C19orf47: variants seen among roughly 807,000 people sequenced by gnomAD.
C19orf47 encodes chromosome 19 open reading frame 47.
In C19orf47, 18 loss-of-function variants were observed where a neutral mutation model predicts 32.3. The observed-to-expected ratio is 0.56, with a 90% CI of 0.39 to 0.83. The LOEUF is 0.83. Ranked by LOEUF, C19orf47 falls within the 40% of genes least tolerant of loss-of-function variation. The probability of loss-of-function intolerance (pLI) is 0.00; values close to 1 mark genes in which losing one functional copy is unlikely to be tolerated. For missense variants in C19orf47, 484 were observed against 531.6 expected (o/e 0.91, Z 0.88); for synonymous variants, 202 against 211.1 (o/e 0.96, Z 0.37).
chr19:40,335,071 A>T (rs1037667923), intron 4 of C19orf47, among the ~76,000 whole-genome samples: 5 of 139,658 alleles, frequency 3.6e-5, no homozygotes, highest in Non-Finnish European at 7.8e-5. Flanking sequence ...GAAGGGAGGG[A>T]GGGAGACAGT....
At chr19:40,342,024 G>A (rs1384484488) in intron 1 of C19orf47, 134 bp from the exon 2 acceptor site, 2 of 1,477,820 alleles carry the variant, frequency 1.4e-6, no homozygotes, top group South Asian at 1.3e-5. Flanking sequence ...ATAGCCTGGA[G>A]CAGCTGGCAG....
chr19:40,333,725 G>C lies in C19orf47; in HGVS notation c.301+126C>G. ...ATTTTTTCCCCTAAAAGAAGAGTAA[G>C]AATTCCTCCAATGGCTTTGTTTCTA... On this transcript the variant is annotated intron_variant, in intron 5 of 8. Transcript: ENST00000683109. 1.4e-5 allele frequency: 10 copies of C among 698,920 alleles called. No individual in the cohort carries two copies. The South Asian group carries it at 1.5e-4, about 10-fold the overall frequency. 43.3% of individuals were successfully genotyped at this position (698,920 alleles called of 1,614,324 possible).
At chr19:40,316,428 C>T (rs2089617384), downstream of C19orf47, among the ~76,000 whole-genome samples, 1 of 152,224 alleles carries the variant, frequency 6.6e-6, no homozygotes, top group African/African-American at 2.4e-5. Flanking sequence ...GCTGCACCAC[C>T]ATCTCCTCAT....
chr19:40,318,220 T>C (rs2077676193), downstream of C19orf47, among the ~76,000 whole-genome samples: 1 of 152,068 alleles, frequency 6.6e-6, no homozygotes, highest in African/African-American at 2.4e-5. Flanking sequence ...CTCGTCTCCA[T>C]AAAATATAAA....
intron 2 of C19orf47, among the ~76,000 whole-genome samples, chr19:40,336,993 T>C (rs556409539): frequency 6.6e-6 from 1 of 152,196 alleles, no homozygotes; most frequent in African/African-American, 2.4e-5. Context: ...AACCCTGCGA[T>C]TTCCCTATGG....
At chr19:40,339,397 G>A (rs2078132462) in intron 2 of C19orf47, among the ~76,000 whole-genome samples, 1 of 152,172 alleles carries the variant, frequency 6.6e-6, no homozygotes, top group African/African-American at 2.4e-5. Context: ...GCACACACCA[G>A]GAGACACGTA....
At chr19:40,308,669 G>A in the C19orf47 span, among the ~76,000 whole-genome samples, 4 of 148,720 alleles carry the variant, frequency 2.7e-5, no homozygotes, top group Non-Finnish European at 4.5e-5. Flanking sequence ...TCGCCATGTT[G>A]GCCAGGCTGG....
chr19:40,335,575 G>A (rs556170548), intron 4 of C19orf47, among the ~76,000 whole-genome samples: 104 of 151,352 alleles, frequency 6.9e-4, no homozygotes, highest in African/African-American at 2.3e-3. Flanking sequence ...GCGAGACACC[G>A]TCTCAAAAAA....
At chr19:40,345,734 C>T (rs973298346) in intron 1 of C19orf47, among the ~76,000 whole-genome samples, 1 of 138,518 alleles carries the variant, frequency 7.2e-6, no homozygotes, top group Non-Finnish European at 1.5e-5. Context: ...CCAAGCTACT[C>T]AGTAGGCTAA....
chr19:40,313,738 C>T, the C19orf47 span, among the ~76,000 whole-genome samples: 1 of 152,078 alleles, frequency 6.6e-6, no homozygotes, highest in South Asian at 2.1e-4. Context: ...CCTACAATTA[C>T]AGGCAAGAGG....
chr19:40,331,374 G>T (rs937525583), intron 5 of C19orf47, among the ~76,000 whole-genome samples: 1 of 152,224 alleles, frequency 6.6e-6, no homozygotes, highest in Non-Finnish European at 1.5e-5. Flanking sequence ...ATGTGAATGC[G>T]GCCGTCAACC....
chr19:40,315,426 G>A (rs181173025), downstream of C19orf47, among the ~76,000 whole-genome samples: 231 of 152,100 alleles, frequency 1.5e-3, no homozygotes, highest in Admixed American at 3.3e-3. Flanking sequence ...TGAGTACATC[G>A]CTTGAGCTCA....
chr19:40,339,484 T>C (rs2078134061), intron 2 of C19orf47, among the ~76,000 whole-genome samples: 1 of 152,170 alleles, frequency 6.6e-6, no homozygotes, highest in African/African-American at 2.4e-5. Flanking sequence ...GCAGCATTGA[T>C]AAACACACGG....
the C19orf47 span, among the ~76,000 whole-genome samples, chr19:40,310,219 G>C: frequency 6.6e-6 from 1 of 152,034 alleles, no homozygotes. Flanking sequence ...CCTGGTGACA[G>C]AGTGAGACTC....
At chr19:40,303,803 G>GAAA in the C19orf47 span, among the ~76,000 whole-genome samples, 26 of 45,332 alleles carry the variant, frequency 5.7e-4, 1 homozygote, top group Non-Finnish European at 7.6e-4. Flanking sequence ...GACTTTGTCT[G>GAAA]AAAAAAAAAA....
chr19:40,346,027 G>C (rs573067338), intron 1 of C19orf47, among the ~76,000 whole-genome samples: 2 of 151,118 alleles, frequency 1.3e-5, no homozygotes, highest in Non-Finnish European at 3.0e-5. Flanking sequence ...ATGGTGGCAG[G>C]CACCTGTAAT....
Position 40,321,247 on chromosome 19 carries a change from G to A in C19orf47, c.*635C>T, listed in dbSNP as rs1372580328. On this transcript the variant is annotated 3_prime_UTR_variant, in exon 9 of 9. Coordinates refer to ENST00000683109, the MANE Select transcript of C19orf47 (RefSeq NM_001256441.2). ...GAGGTCCCTCCAGCCTGGGAGTAGA[G>A]GGCGGCTAACAGTCTCAACAGGCTC... 10 of 986,892 alleles carry A rather than the reference G, an allele frequency of 1.0e-5. No individual in the cohort carries two copies. Among genetic ancestry groups the A allele is most frequent in the Non-Finnish European group, 1.1e-5 (9 of 830,136 alleles). The allele number at this position is 986,892 out of a possible 1,614,324, so 61.1% of individuals were successfully genotyped here.
In C19orf47 at chr19:40,336,357, G is replaced by C; in HGVS notation, c.70C>G (p.Pro24Ala). The C allele has an allele frequency of 1.2e-6, 2 of 1,614,194 alleles. No individual in the cohort carries two copies. Among genetic ancestry groups the C allele is most frequent in the Non-Finnish European group, 1.7e-6 (2 of 1,180,046 alleles). ...FFKEAGIPPGPAVNYAVMFVD... is the reference protein window; with the variant it reads ...FFKEAGIPPGAAVNYAVMFVD... Reference sequence around the variant, plus strand: ...AACATCACGGCATAATTGACGGCAGGTCCTGGAGGAATGCCGGCTTCCTTA... The same window carrying C: ...AACATCACGGCATAATTGACGGCAGCTCCTGGAGGAATGCCGGCTTCCTTA... Residue 24 changes from proline to alanine, a missense_variant, in exon 3 of 9, where the codon CCT becomes GCT. By Grantham distance (27) the Pro-to-Ala change is conservative. Transcript: ENST00000683109.
chr19:40,304,635 A>T, the C19orf47 span, among the ~76,000 whole-genome samples: 1 of 152,166 alleles, frequency 6.6e-6, no homozygotes, highest in Non-Finnish European at 1.5e-5. Flanking sequence ...GTAGCTCAGG[A>T]TGCTATATAA....
Sources: gnomAD v4.1 joint callset for allele counts (sites outside exome capture counted in the v4.1 genomes callset) on GRCh38, gnomAD v4.1.1 for gene constraint, MANE v1.5 for transcripts, NCBI Gene and HGNC (gene_info 2026-07-23, HGNC 2026-07-21) for gene names.